The following KCNU1 variants were observed in gnomAD, a reference collection of about 807,000 sequenced individuals.
KCNU1 encodes the protein potassium channel subfamily U member 1.
KCNU1 carries 93 observed loss-of-function variants against 126.8 expected under a neutral mutation model. The observed-to-expected ratio is 0.73, with a 90% CI of 0.62 to 0.87. The LOEUF (loss-of-function observed/expected upper bound fraction) is 0.87. KCNU1 is among the 40% of genes least tolerant of loss of function. The pLI is 0.00. For missense variants in KCNU1, 1,330 were observed against 1,367.1 expected (o/e 0.97, Z 0.43); for synonymous variants, 523 against 494.2 (o/e 1.06, Z -0.77).
chr8:36,841,051 T>C (rs1203953991), intron 16 of KCNU1, 48 bp downstream of exon 16: 14 of 1,266,988 alleles, frequency 1.1e-5, no homozygotes, highest in Non-Finnish European at 1.5e-5. Flanking sequence ...TTTTTTTTTT[T>C]TTTTTCCTGG....
intron 22 of KCNU1, among the ~76,000 whole-genome samples, chr8:36,918,189 A>G (rs1416931794): frequency 2.0e-5 from 3 of 152,312 alleles, no homozygotes; most frequent in South Asian, 4.1e-4. Flanking sequence ...TGTGACATCA[A>G]TAAGCAACTA....
At chr8:36,903,186 T>C (rs1807487297) in intron 19 of KCNU1, among the ~76,000 whole-genome samples, 1 of 152,062 alleles carries the variant, frequency 6.6e-6, no homozygotes, top group South Asian at 2.1e-4. Flanking sequence ...TCAATCTAAG[T>C]TGGAGTAAGT....
At chr8:36,893,595 T>C (rs1170661184) in intron 19 of KCNU1, among the ~76,000 whole-genome samples, 1 of 152,068 alleles carries the variant, frequency 6.6e-6, no homozygotes, top group African/African-American at 2.4e-5. Flanking sequence ...AGAGCTACTG[T>C]TATTGTAAGG....
At chr8:36,887,142 T>C (rs139625735) in intron 19 of KCNU1, among the ~76,000 whole-genome samples, 68 of 152,304 alleles carry the variant, frequency 4.5e-4, no homozygotes, top group East Asian at 3.9e-3. Context: ...TAATTACTTA[T>C]ATTGCCTTTG....
intron 10 of KCNU1, among the ~76,000 whole-genome samples, chr8:36,818,581 T>C (rs1343391339): frequency 1.3e-5 from 2 of 152,220 alleles, no homozygotes; most frequent in Non-Finnish European, 2.9e-5. Flanking sequence ...TCCATGGAAT[T>C]GCTTTTGCCT....
intron 9 of KCNU1, among the ~76,000 whole-genome samples, chr8:36,816,743 T>C (rs1803927603): frequency 6.6e-6 from 1 of 152,154 alleles, no homozygotes; most frequent in Non-Finnish European, 1.5e-5. Flanking sequence ...TAAGAAAATT[T>C]TTCATGACAA....
intron 19 of KCNU1, among the ~76,000 whole-genome samples, chr8:36,876,656 C>G (rs1169903747): frequency 1.3e-5 from 2 of 152,168 alleles, no homozygotes; most frequent in Admixed American, 1.3e-4. Flanking sequence ...CTCCTCCTCC[C>G]ACTTCTTCCT....
chr8:36,808,227 A>G (rs964886717), intron 6 of KCNU1, among the ~76,000 whole-genome samples: 3 of 152,112 alleles, frequency 2.0e-5, no homozygotes, highest in African/African-American at 7.2e-5. Context: ...TTCTTCACTT[A>G]AAGACCTTGT....
chr8:36,801,579 G>A (rs993939496), intron 2 of KCNU1, among the ~76,000 whole-genome samples: 3 of 151,716 alleles, frequency 2.0e-5, no homozygotes, highest in East Asian at 1.9e-4. Flanking sequence ...GATTTCATAA[G>A]AGAAAAAATG....
chr8:36,819,796 C>T (rs1417621246), intron 10 of KCNU1, among the ~76,000 whole-genome samples: 1 of 152,124 alleles, frequency 6.6e-6, no homozygotes, highest in Non-Finnish European at 1.5e-5. Context: ...TCCTTTAACA[C>T]AGCTGTTAAC....
At chr8:36,931,191 T>A in intron 25 of KCNU1, 46 bp downstream of exon 25, 1 of 1,392,954 alleles carries the variant, frequency 7.2e-7, no homozygotes, top group Non-Finnish European at 9.8e-7. Context: ...TCTTTACCTC[T>A]CTGAGCTTCT....
intron 18 of KCNU1, among the ~76,000 whole-genome samples, chr8:36,849,726 TTGA>T (rs1805276560): frequency 6.6e-6 from 1 of 152,250 alleles, no homozygotes; most frequent in South Asian, 2.1e-4. Flanking sequence ...CATTTATCTA[TTGA>T]TGGACATTTG....
chr8:36,850,861 A>G (rs914749961), intron 18 of KCNU1, among the ~76,000 whole-genome samples: 3 of 152,130 alleles, frequency 2.0e-5, no homozygotes, highest in Non-Finnish European at 4.4e-5. Flanking sequence ...ATTTATTCAA[A>G]AACTATTCTT....
In KCNU1 at chr8:36,784,566, T is replaced by G. The variant is rs780998371; in HGVS notation, c.156T>G (p.Val52=). ...TCTTCAGGCTGATCTGGAGATCTGT[T>G]AAAAAATGGCAAATCATCAAGGGAA... ...LLIFRLIWRS[V]KKWQIIKGTG... The change falls in exon 1 of 27, where the codon GTT becomes GTG. Residue 52 remains valine, a synonymous_variant. Coordinates refer to ENST00000399881, the MANE Select transcript of KCNU1 (RefSeq NM_001031836.3). The G allele has an allele frequency of 6.2e-7, 1 of 1,613,614 alleles. No individual in the cohort carries two copies. Among genetic ancestry groups the G allele is most frequent in the Non-Finnish European group, 8.5e-7 (1 of 1,179,728 alleles).
At chr8:36,841,099 C>T (rs759250163) in intron 16 of KCNU1, 96 bp downstream of exon 16, 204 of 828,116 alleles carry the variant, frequency 2.5e-4, no homozygotes, top group Non-Finnish European at 3.5e-4. Context: ...AAAGATGCAG[C>T]TATAACTAAG....
intron 24 of KCNU1, among the ~76,000 whole-genome samples, chr8:36,926,449 A>C (rs550891491): frequency 9.1e-4 from 138 of 152,050 alleles, no homozygotes; most frequent in Non-Finnish European, 1.5e-3. Flanking sequence ...CATCAGAGCA[A>C]TTCCACTTTC....
At chr8:36,934,881 A>G (rs988926420) in intron 26 of KCNU1, among the ~76,000 whole-genome samples, 5 of 152,028 alleles carry the variant, frequency 3.3e-5, no homozygotes, top group African/African-American at 1.2e-4. Context: ...ACAGTTCTGG[A>G]TATTCTTTAG....
At chr8:36,814,126 A>T (rs976470208) in intron 7 of KCNU1, 81 bp from the exon 8 acceptor site, 59 of 1,014,444 alleles carry the variant, frequency 5.8e-5, no homozygotes, top group Middle Eastern at 2.5e-4. Context: ...AAGTGCAATT[A>T]ATCTAATGTT....
At chr8:36,852,851 G>A (rs778476995) in intron 18 of KCNU1, among the ~76,000 whole-genome samples, 62 of 151,388 alleles carry the variant, frequency 4.1e-4, no homozygotes, top group Non-Finnish European at 8.1e-4. Context: ...CTATTTTGTT[G>A]ATCTTTTCAA....
Sources: allele counts gnomAD v4.1 joint callset (sites outside exome capture counted in the v4.1 genomes callset), GRCh38; gene constraint gnomAD v4.1.1; transcripts MANE v1.5; gene names NCBI Gene and HGNC (gene_info 2026-07-23, HGNC 2026-07-21).